NTN1: variants seen among roughly 807,000 people sequenced by gnomAD.
NTN1 encodes netrin-1.
A neutral mutation model predicts 54.2 loss-of-function variants in NTN1; 11 were observed. The ratio of observed to expected loss-of-function variants is 0.20; its 90% CI spans 0.13 to 0.34. The LOEUF (loss-of-function observed/expected upper bound fraction) is 0.34, where lower values mean the gene tolerates loss of function less well. Ranked by LOEUF, NTN1 falls within the 10% of genes least tolerant of loss-of-function variation. The pLI, the probability that NTN1 is intolerant of heterozygous loss-of-function variation, is 1.00. For missense variants in NTN1, 740 were observed against 893.1 expected (o/e 0.83, Z 2.18); for synonymous variants, 371 against 382.0 (o/e 0.97, Z 0.33).
chr17:9,096,638 T>C (rs528572087), intron 2 of NTN1, among the ~76,000 whole-genome samples: 35 of 152,342 alleles, frequency 2.3e-4, no homozygotes, highest in Non-Finnish European at 4.0e-4. Flanking sequence ...CCCAAAGTGC[T>C]GGGATTACAG....
chr17:9,057,098 G>C (rs1273283573), intron 2 of NTN1, among the ~76,000 whole-genome samples: 1 of 152,086 alleles, frequency 6.6e-6, no homozygotes, highest in Non-Finnish European at 1.5e-5. Context: ...GCTGAAGAAG[G>C]TGTTGTTGAG....
At chr17:9,009,310 GCT>G in the NTN1 span, among the ~76,000 whole-genome samples, 1 of 152,146 alleles carries the variant, frequency 6.6e-6, no homozygotes, top group Admixed American at 6.5e-5. Context: ...GGAAACCAGC[GCT>G]CTCTGGGCGA....
chr17:9,211,976 A>C lies in NTN1; in HGVS notation c.1412-9192A>C, dbSNP rs939856964. Among the ~76,000 whole-genome samples, 7 of 152,122 alleles carry C rather than the reference A, an allele frequency of 4.6e-5. No homozygotes were observed. The highest frequency in any genetic ancestry group is 1.7e-4 in the African/African-American group (7 of 41,412). ...CTTGCTTCTAGACCCTTACTTCCAT[A>C]GGTTGCTAAGCTCCTTGGCCAGTCC... On this transcript the variant is annotated intron_variant, in intron 5 of 6. Transcript: ENST00000173229. The surrounding 1 kb of genome is among the most constrained non-coding windows in gnomAD (Gnocchi z 4.4).
intron 2 of NTN1, among the ~76,000 whole-genome samples, chr17:9,125,764 C>A (rs1391334539): frequency 3.9e-5 from 6 of 152,170 alleles, no homozygotes; most frequent in Admixed American, 3.3e-4. Context: ...AGCCACCATG[C>A]CCGGCTCTTT....
intron 6 of NTN1, among the ~76,000 whole-genome samples, chr17:9,235,962 C>T (rs1905974710): frequency 6.6e-6 from 1 of 152,018 alleles, no homozygotes; most frequent in Non-Finnish European, 1.5e-5. Flanking sequence ...CTCGGCCTCC[C>T]AAAGTGCTGG....
At chr17:9,018,825 A>C (rs1597459546), upstream of NTN1, among the ~76,000 whole-genome samples, 1 of 152,066 alleles carries the variant, frequency 6.6e-6, no homozygotes, top group African/African-American at 2.4e-5. Flanking sequence ...ATCAGCTTAC[A>C]TTCAGGGGGA....
the NTN1 span, among the ~76,000 whole-genome samples, chr17:9,008,611 C>A: frequency 1.3e-5 from 2 of 152,226 alleles, no homozygotes; most frequent in African/African-American, 4.8e-5. Flanking sequence ...GCATGAGCCA[C>A]TGTGCACCCA....
At chr17:9,040,857 G>A (rs1020315692) in intron 2 of NTN1, among the ~76,000 whole-genome samples, 1 of 151,994 alleles carries the variant, frequency 6.6e-6, no homozygotes, top group Non-Finnish European at 1.5e-5. Flanking sequence ...GCCCAGGCTG[G>A]AGTGCAGTAG....
At chr17:9,196,363 C>A (rs1048422790) in intron 5 of NTN1, among the ~76,000 whole-genome samples, 1 of 152,222 alleles carries the variant, frequency 6.6e-6, no homozygotes, top group Admixed American at 6.5e-5. Flanking sequence ...GACATAGACC[C>A]TCAGAGTTGG....
At chr17:9,134,306 T>C (rs2092274691) in intron 2 of NTN1, among the ~76,000 whole-genome samples, 1 of 152,126 alleles carries the variant, frequency 6.6e-6, no homozygotes, top group African/African-American at 2.4e-5. Flanking sequence ...GCTGTCCTCT[T>C]TCCCCCAGAT....
rs529224822 is a variant in NTN1, at chr17:9,086,566, A to G, written c.1018+63175A>G. Reference sequence around the variant, plus strand: ...TATGGAAGCAGGAGGAAGAGGTACCAGAGCCACTTGCGGGGCAGGATCAGG... The same window carrying G: ...TATGGAAGCAGGAGGAAGAGGTACCGGAGCCACTTGCGGGGCAGGATCAGG... On this transcript the variant is annotated intron_variant, in intron 2 of 6. Coordinates refer to ENST00000173229, the MANE Select transcript of NTN1 (RefSeq NM_004822.3). Among the ~76,000 whole-genome samples, 13 of 152,292 alleles carry G rather than the reference A, an allele frequency of 8.5e-5. No homozygotes were observed. The South Asian group carries it at 2.7e-3, about 32-fold the overall frequency.
At chr17:9,040,080 G>A (rs1005750744) in intron 2 of NTN1, among the ~76,000 whole-genome samples, 2 of 152,176 alleles carry the variant, frequency 1.3e-5, no homozygotes, top group African/African-American at 4.8e-5. Flanking sequence ...TTCCAAAATG[G>A]TAGTACCACT....
At chr17:9,086,473 C>T (rs775824935) in intron 2 of NTN1, among the ~76,000 whole-genome samples, 34 of 152,140 alleles carry the variant, frequency 2.2e-4, no homozygotes, top group Non-Finnish European at 4.4e-4. Flanking sequence ...GACCTCAAGG[C>T]ACTCACTCTA....
At chr17:9,161,228 G>A (rs2142297413) in intron 2 of NTN1, among the ~76,000 whole-genome samples, 1 of 152,262 alleles carries the variant, frequency 6.6e-6, no homozygotes, top group South Asian at 2.1e-4. Context: ...TTGGAACCAA[G>A]ACCTGGGGGA....
At chr17:9,154,592 G>A (rs3826464) in intron 2 of NTN1, among the ~76,000 whole-genome samples, 29,982 of 152,024 alleles carry the variant, frequency 0.2, 3,111 homozygotes, top group East Asian at 0.34. Context: ...AGTTAGGTGT[G>A]TGGGCAGCTG....
chr17:9,232,860 C>T (rs1037296119), intron 6 of NTN1, among the ~76,000 whole-genome samples: 1 of 152,168 alleles, frequency 6.6e-6, no homozygotes, highest in Non-Finnish European at 1.5e-5. Context: ...TTCGCAGGGC[C>T]TGGGAAGCAT....
chr17:9,058,185 C>A (rs34613904), intron 2 of NTN1, among the ~76,000 whole-genome samples: 14,924 of 152,208 alleles, frequency 0.098, 870 homozygotes, highest in South Asian at 0.19. Flanking sequence ...CCACTATGTT[C>A]GTCCTATTTA....
the NTN1 span, among the ~76,000 whole-genome samples, chr17:9,004,952 T>C: frequency 6.6e-6 from 1 of 152,170 alleles, no homozygotes; most frequent in Non-Finnish European, 1.5e-5. Context: ...GTACTACTCA[T>C]CAACTTCTGA....
At chr17:9,145,323 A>G (rs2092310357) in intron 2 of NTN1, among the ~76,000 whole-genome samples, 3 of 152,222 alleles carry the variant, frequency 2.0e-5, no homozygotes, top group Admixed American at 2.0e-4. Flanking sequence ...AGGGTAAGAA[A>G]AAACATTTTC....
Sources: allele counts gnomAD v4.1 joint callset (sites outside exome capture counted in the v4.1 genomes callset), GRCh38; gene constraint gnomAD v4.1.1; non-coding constraint Gnocchi (gnomAD v3.1); transcripts MANE v1.5; gene names NCBI Gene and HGNC (gene_info 2026-07-23, HGNC 2026-07-21).